The following WASL variants were observed in gnomAD, a reference collection of about 807,000 sequenced individuals.
WASL encodes actin nucleation-promoting factor WASL.
A neutral mutation model predicts 55.5 loss-of-function variants in WASL; 20 were observed. That is an observed-to-expected ratio of 0.36 (90% confidence interval 0.25 to 0.52). The LOEUF (loss-of-function observed/expected upper bound fraction) is 0.52. WASL is among the 20% of genes least tolerant of loss of function. WASL has a pLI of 0.92. For missense variants in WASL, 504 were observed against 622.5 expected (o/e 0.81, Z 2.03); for synonymous variants, 249 against 217.6 (o/e 1.14, Z -1.27).
At chr7:123,687,714 C>T (rs886926155) in intron 10 of WASL, among the ~76,000 whole-genome samples, 1 of 151,872 alleles carries the variant, frequency 6.6e-6, no homozygotes, top group African/African-American at 2.4e-5. Context: ...TTGCTTGTCT[C>T]TCTCTCTCAT....
At chr7:123,738,571 T>C (rs1291035378) in intron 1 of WASL, among the ~76,000 whole-genome samples, 1 of 152,234 alleles carries the variant, frequency 6.6e-6, no homozygotes, top group East Asian at 1.9e-4. Flanking sequence ...TTGCCAATTT[T>C]TTCTTCACGT....
At position 123,724,936 on chromosome 7, in the gene WASL, G is replaced by A. The variant is rs61314898; in HGVS notation, c.118-15713C>T. Among the ~76,000 whole-genome samples the A allele has an allele frequency of 2.6e-3, 389 of 151,732 alleles. 3 individuals carry two copies. The highest frequency in any genetic ancestry group is 8.6e-3 in the African/African-American group (358 of 41,416). On this transcript the variant is annotated intron_variant, in intron 1 of 10. Transcript: ENST00000223023. Reference sequence around the variant, plus strand: ...TAGAAGGAAGTGGTGAGAGTTTGGGGGCAAAAAAAAGCATACCAAAGTCAA... The same window carrying A: ...TAGAAGGAAGTGGTGAGAGTTTGGGAGCAAAAAAAAGCATACCAAAGTCAA...
intron 1 of WASL, among the ~76,000 whole-genome samples, chr7:123,737,276 G>A (rs181738354): frequency 3.2e-4 from 49 of 152,236 alleles, no homozygotes; most frequent in Admixed American, 2.2e-3. Flanking sequence ...CTTGGTCTAC[G>A]TACTCCTTGT....
intron 1 of WASL, among the ~76,000 whole-genome samples, chr7:123,731,285 G>A (rs1287631978): frequency 6.6e-6 from 1 of 152,122 alleles, no homozygotes; most frequent in Admixed American, 6.5e-5. Flanking sequence ...TATGTATGCA[G>A]CTAACAATAC....
At chr7:123,728,219 C>G (rs1562964599) in intron 1 of WASL, among the ~76,000 whole-genome samples, 1 of 152,102 alleles carries the variant, frequency 6.6e-6, no homozygotes. Context: ...TTAACATTAC[C>G]TGGGGACTGG....
chr7:123,695,003 A>C lies in WASL; in HGVS notation c.673-135T>G, dbSNP rs557763460. On this transcript the variant is annotated intron_variant, in intron 7 of 10. Coordinates refer to ENST00000223023, the MANE Select transcript of WASL (RefSeq NM_003941.4). ...GCTTATATTACTTATGTGCTAACTAAAATATTTTATTAAAAAAAACTGAAC... is the reference window on the plus strand; with the variant it reads ...GCTTATATTACTTATGTGCTAACTACAATATTTTATTAAAAAAAACTGAAC... 190 of 842,782 alleles carry C rather than the reference A, an allele frequency of 2.3e-4. 1 individual carries two copies. The African/African-American group carries it at 3.0e-3, about 13-fold the overall frequency. The allele number at this position is 842,782 out of a possible 1,614,324, so 52.2% of individuals were successfully genotyped here. A position where few individuals can be genotyped will look rare whatever the true frequency, so the allele number is the denominator to read the frequency against.
intron 9 of WASL, among the ~76,000 whole-genome samples, chr7:123,691,655 T>C (rs1031487397): frequency 1.3e-5 from 2 of 152,174 alleles, no homozygotes; most frequent in South Asian, 4.1e-4. Flanking sequence ...TATAGGAAAA[T>C]GTTTGCTGAA....
Position 123,706,685 on chromosome 7 carries a change from G to A in WASL, c.339+55C>T. The A allele has an allele frequency of 4.0e-6, 5 of 1,264,756 alleles. No homozygotes were observed. The South Asian group carries it at 5.4e-5, about 14-fold the overall frequency. 78.3% of individuals were successfully genotyped at this position (1,264,756 alleles called of 1,614,324 possible). A position where few individuals can be genotyped will look rare whatever the true frequency, so the allele number is the denominator to read the frequency against. ...AAGGTTCTATAAATAATTTGGATTA[G>A]AAAAGGCAAGCAATGAAAAAAGTAA... is the stretch of plus-strand genomic sequence containing the variant. On this transcript the variant is annotated intron_variant, in intron 3 of 10. Coordinates refer to ENST00000223023, the MANE Select transcript of WASL (RefSeq NM_003941.4).
intron 1 of WASL, 136 bp downstream of exon 1, chr7:123,748,482 C>CCGGGGA: frequency 1.3e-6 from 1 of 779,418 alleles, no homozygotes; most frequent in Non-Finnish European, 1.9e-6. Context: ...CGACGAGGGG[C>CCGGGGA]CGGGGCCGGG....
At chr7:123,718,281 C>T (rs1466824826) in intron 1 of WASL, among the ~76,000 whole-genome samples, 2 of 152,016 alleles carry the variant, frequency 1.3e-5, no homozygotes, top group East Asian at 3.9e-4. Context: ...GGCCACAAAA[C>T]CTGGATTAGC....
chr7:123,693,783 T>C (rs565738271), intron 8 of WASL, among the ~76,000 whole-genome samples: 2 of 152,170 alleles, frequency 1.3e-5, no homozygotes, highest in South Asian at 4.1e-4. Flanking sequence ...CTGGCTAACA[T>C]GGAAAAACCC....
chr7:123,725,716 T>C (rs1468427443), intron 1 of WASL, among the ~76,000 whole-genome samples: 1 of 152,136 alleles, frequency 6.6e-6, no homozygotes, highest in Non-Finnish European at 1.5e-5. Flanking sequence ...AACTTGCCCG[T>C]TGTCACAGAG....
At chr7:123,708,757 G>A (rs1803710184) in intron 2 of WASL, among the ~76,000 whole-genome samples, 1 of 150,974 alleles carries the variant, frequency 6.6e-6, no homozygotes, top group South Asian at 2.1e-4. Flanking sequence ...ATTCTATAAT[G>A]AACCAGGTGG....
Position 123,694,868 on chromosome 7 carries a change from G to C in WASL, c.673C>G (p.Leu225Val). Reference protein sequence around the residue: ...VGWDPNTGFDLNNLDPELKNL... With the variant: ...VGWDPNTGFDVNNLDPELKNL... ...TTCAATTCTGGATCCAAATTATTCA[G>C]CTACAAAAGAAAGTAACTGCTAACT... The change falls in exon 8 of 11, where the codon CTG (leucine) becomes GTG (valine). Residue 225 changes from leucine (L) to valine (V), a missense_variant and splice_region_variant. Leu to Val is a conservative substitution (Grantham distance 32). This residue lies in a region of WASL where 230 missense variants were observed against 271.9 expected (regional missense o/e 0.85). Coordinates refer to ENST00000223023, the MANE Select transcript of WASL (RefSeq NM_003941.4). The C allele has an allele frequency of 3.1e-6, 5 of 1,597,978 alleles. No individual in the cohort carries two copies. The highest frequency in any genetic ancestry group is 4.3e-6 in the Non-Finnish European group (5 of 1,175,396).
At chr7:123,726,225 A>T (rs1007509335) in intron 1 of WASL, among the ~76,000 whole-genome samples, 1 of 152,208 alleles carries the variant, frequency 6.6e-6, no homozygotes, top group Non-Finnish European at 1.5e-5. Context: ...ATTATTAAAA[A>T]GGGTTCCAAG....
Position 123,689,105 on chromosome 7 carries a change from A to C in WASL, c.1393T>G (p.Ser465Ala), listed in dbSNP as rs1300853398. Residue 465 changes from serine (S) to alanine (A), a missense_variant, in exon 10 of 11, where the codon TCA becomes GCA. Physicochemically the swap from Ser to Ala is moderately conservative, Grantham distance 99. Transcript: ENST00000223023. Reference sequence around the variant, plus strand: ...TCCATTAATGCACCCACAATTCCTGAAGTGGGTGCAGGTGTTGGTGGTGTA... The same window carrying C: ...TCCATTAATGCACCCACAATTCCTGCAGTGGGTGCAGGTGTTGGTGGTGTA... Reference protein sequence around the residue: ...ESTPPTPAPTSGIVGALMEVM... With the variant: ...ESTPPTPAPTAGIVGALMEVM... 1 of 1,613,404 alleles carries C rather than the reference A, an allele frequency of 6.2e-7. No individual in the cohort carries two copies. The highest frequency in any genetic ancestry group is 8.5e-7 in the Non-Finnish European group (1 of 1,179,870).
chr7:123,701,204 A>G (rs956265238), intron 5 of WASL, among the ~76,000 whole-genome samples: 1 of 152,202 alleles, frequency 6.6e-6, no homozygotes, highest in African/African-American at 2.4e-5. Context: ...ACTCCTCCTA[A>G]GAACTACTAT....
At position 123,683,235 on chromosome 7, in the gene WASL, T is replaced by A. The variant is rs555324749; in HGVS notation, c.*1284A>T. On this transcript the variant is annotated 3_prime_UTR_variant, in exon 11 of 11. Coordinates refer to ENST00000223023, the MANE Select transcript of WASL (RefSeq NM_003941.4). ...TTTTCTACCTAAAATTTAAAGTAGGTAGGTATGATAATTAGCATTATAAAT... is the reference window on the plus strand; with the variant it reads ...TTTTCTACCTAAAATTTAAAGTAGGAAGGTATGATAATTAGCATTATAAAT... 1.3e-5 allele frequency: 2 copies of A among 152,202 alleles called. No individual in the cohort carries two copies. Among genetic ancestry groups the A allele is most frequent in the Admixed American group, 1.3e-4 (2 of 15,264 alleles). The allele number at this position is 152,202 out of a possible 1,614,324, so 9.4% of individuals were successfully genotyped here.
At chr7:123,734,573 G>A (rs1404922151) in intron 1 of WASL, among the ~76,000 whole-genome samples, 1 of 122,212 alleles carries the variant, frequency 8.2e-6, no homozygotes, top group Non-Finnish European at 1.7e-5. Flanking sequence ...GCTGGAAAAG[G>A]CAACACTATA....
Sources: gnomAD v4.1 joint callset for allele counts (sites outside exome capture counted in the v4.1 genomes callset) on GRCh38, gnomAD v4.1.1 for gene constraint, gnomAD v4.1.1 regional missense constraint, MANE v1.5 for transcripts, NCBI Gene and HGNC (gene_info 2026-07-23, HGNC 2026-07-21) for gene names.